Variants in ITGB3BP observed in about 807,000 individuals in gnomAD.
ITGB3BP encodes integrin subunit beta 3 binding protein.
In ITGB3BP, 27 loss-of-function variants were observed where a neutral mutation model predicts 29.1. The ratio of observed to expected loss-of-function variants is 0.93; its 90% confidence interval spans 0.68 to 1.28. The LOEUF (loss-of-function observed/expected upper bound fraction) is 1.28, where lower values mean the gene tolerates loss of function less well. ITGB3BP is among the 50% of genes most tolerant of loss of function. ITGB3BP has a pLI of 0.00. For synonymous variants in ITGB3BP, 61 were observed against 61.4 expected, an observed-to-expected ratio of 0.99 and a Z score of 0.03; for missense variants, 192 against 200.2, an observed-to-expected ratio of 0.96 and a Z score of 0.25.
rs772349479 is a variant in ITGB3BP at position 63,522,903 on chromosome 1, G to A, written c.5+226C>T. On this transcript the variant is annotated intron_variant, in intron 1 of 8. Transcript: ENST00000271002. ...ATACAGCCCACAGTTTACGAAATCT[G>A]TCAAAAGCATCGTAGAAACAGAAAG... 5 of 716,788 alleles carry A rather than the reference G, an allele frequency of 7.0e-6. No individual in the cohort carries two copies. In the African/African-American group the frequency reaches 8.7e-5, roughly 12 times the overall value. 44.4% of individuals were successfully genotyped at this position (716,788 alleles called of 1,614,324 possible).
At chr1:63,498,631 C>T (rs1257165743) in intron 2 of ITGB3BP, among the ~76,000 whole-genome samples, 2 of 150,820 alleles carry the variant, frequency 1.3e-5, no homozygotes, top group African/African-American at 4.9e-5. Context: ...ATAACCTAAG[C>T]TTCTACTTTA....
chr1:63,520,775 A>G (rs1240842455), intron 1 of ITGB3BP, among the ~76,000 whole-genome samples: 1 of 152,140 alleles, frequency 6.6e-6, no homozygotes, highest in Non-Finnish European at 1.5e-5. Flanking sequence ...GCTTCCCCCA[A>G]AAGGCATCTA....
At chr1:63,486,152 T>C (rs148820780) in intron 3 of ITGB3BP, among the ~76,000 whole-genome samples, 172 of 152,208 alleles carry the variant, frequency 1.1e-3, no homozygotes, top group African/African-American at 3.9e-3. Context: ...TGTTATAGTC[T>C]GAGTGATTTT....
At chr1:63,490,039 A>G (rs368451255) in intron 3 of ITGB3BP, 44 bp downstream of exon 3, 126 of 1,556,214 alleles carry the variant, frequency 8.1e-5, no homozygotes, top group Middle Eastern at 1.7e-4. Context: ...TTGGCCAATA[A>G]CTAGAAAAAC....
chr1:63,446,751 C>T (rs765629493), intron 8 of ITGB3BP, 55 bp downstream of exon 8: 34 of 1,251,686 alleles, frequency 2.7e-5, no homozygotes, highest in Non-Finnish European at 4.0e-5. Context: ...TCCACCTGAA[C>T]AAAACACAGT....
intron 4 of ITGB3BP, among the ~76,000 whole-genome samples, chr1:63,459,663 A>G (rs953666288): frequency 4.6e-5 from 7 of 152,148 alleles, no homozygotes. Flanking sequence ...TGTGGGAAAT[A>G]CTGTCTCCAT....
intron 4 of ITGB3BP, among the ~76,000 whole-genome samples, chr1:63,455,270 CTTCT>C (rs1644917001): frequency 6.6e-6 from 1 of 151,982 alleles, no homozygotes; most frequent in Non-Finnish European, 1.5e-5. Flanking sequence ...CACCTAGTAA[CTTCT>C]TTTTAAAATA....
intron 2 of ITGB3BP, among the ~76,000 whole-genome samples, chr1:63,506,996 T>C (rs1479548695): frequency 1.3e-5 from 2 of 151,912 alleles, no homozygotes; most frequent in African/African-American, 4.8e-5. Flanking sequence ...GTTACTAGAG[T>C]AGATGAAGTG....
chr1:63,510,628 A>C (rs911321881), intron 1 of ITGB3BP, among the ~76,000 whole-genome samples: 1 of 152,210 alleles, frequency 6.6e-6, no homozygotes. Context: ...ACAAGACTAG[A>C]AGAAATCTAA....
intron 4 of ITGB3BP, among the ~76,000 whole-genome samples, chr1:63,465,144 A>C (rs1228143133): frequency 1.3e-5 from 2 of 152,180 alleles, no homozygotes; most frequent in African/African-American, 4.8e-5. Flanking sequence ...TACACACTGA[A>C]GGATTTAGCA....
At chr1:63,464,421 A>G (rs1645067755) in intron 4 of ITGB3BP, among the ~76,000 whole-genome samples, 1 of 152,192 alleles carries the variant, frequency 6.6e-6, no homozygotes, top group Admixed American at 6.5e-5. Context: ...CTTAGGAGAC[A>G]GAGATTTAGA....
intron 4 of ITGB3BP, among the ~76,000 whole-genome samples, chr1:63,475,482 C>G (rs6588034): frequency 0.99 from 150,759 of 152,328 alleles, 74,621 homozygotes; most frequent in Middle Eastern, 1. Context: ...TCGAGCCCAA[C>G]AGGTTAAGGT....
Position 63,508,377 on chromosome 1 carries a change from T to C in ITGB3BP, c.48+151A>G, listed in dbSNP as rs758056158. The C allele has an allele frequency of 1.5e-5, 7 of 452,590 alleles. No homozygotes were observed. The South Asian group carries it at 2.7e-4, about 17-fold the overall frequency. The allele number at this position is 452,590 out of a possible 1,614,324, so 28.0% of individuals were successfully genotyped here. Reference sequence around the variant, plus strand: ...GATTCACAAAAACTAAAATATCTTATATGCAGAAAATGGTGTACCAATCAC... The same window carrying C: ...GATTCACAAAAACTAAAATATCTTACATGCAGAAAATGGTGTACCAATCAC... On this transcript the variant is annotated intron_variant, in intron 2 of 8. Coordinates refer to ENST00000271002, the MANE Select transcript of ITGB3BP (RefSeq NM_014288.5).
intron 4 of ITGB3BP, chr1:63,457,710 C>T (rs1322086543): frequency 1.3e-5 from 2 of 152,144 alleles, no homozygotes; most frequent in Non-Finnish European, 2.9e-5. Flanking sequence ...ATTTGCCTCT[C>T]GCTAGACTAA....
At chr1:63,465,472 G>C (rs536523480) in intron 4 of ITGB3BP, among the ~76,000 whole-genome samples, 11 of 151,128 alleles carry the variant, frequency 7.3e-5, no homozygotes, top group Non-Finnish European at 1.2e-4. Context: ...TCCCAGGCTA[G>C]AGTGCAATCT....
intron 1 of ITGB3BP, among the ~76,000 whole-genome samples, chr1:63,522,644 TA>T (rs922914973): frequency 1.3e-5 from 2 of 150,414 alleles, no homozygotes; most frequent in African/African-American, 4.9e-5. Flanking sequence ...TTTGTGTAAG[TA>T]AAAAAAAACG....
At chr1:63,515,521 A>G (rs1320539268) in intron 1 of ITGB3BP, among the ~76,000 whole-genome samples, 1 of 152,088 alleles carries the variant, frequency 6.6e-6, no homozygotes, top group East Asian at 1.9e-4. Flanking sequence ...TTGCTTGAAG[A>G]ACTAAAAATA....
upstream of ITGB3BP, among the ~76,000 whole-genome samples, chr1:63,524,412 G>A (rs900133211): frequency 6.6e-6 from 1 of 152,166 alleles, no homozygotes; most frequent in Admixed American, 6.5e-5. Context: ...GGCGGCCTGC[G>A]TATTATAAAT....
chr1:63,527,228 T>C (rs1646608644), upstream of ITGB3BP, among the ~76,000 whole-genome samples: 1 of 152,224 alleles, frequency 6.6e-6, no homozygotes. Context: ...TGTGTATGTA[T>C]TACTAAGGTG....
Sources: allele counts gnomAD v4.1 joint callset (sites outside exome capture counted in the v4.1 genomes callset), GRCh38; gene constraint gnomAD v4.1.1; transcripts MANE v1.5; gene names NCBI Gene and HGNC (gene_info 2026-07-23, HGNC 2026-07-21).